Variants in PDE11A observed in about 807,000 individuals in gnomAD.
PDE11A encodes dual 3',5'-cyclic-AMP and -GMP phosphodiesterase 11A.
A neutral mutation model predicts 100.5 loss-of-function variants in PDE11A; 100 were observed. That is an observed-to-expected ratio of 1.00 (90% CI 0.85 to 1.18). The LOEUF (loss-of-function observed/expected upper bound fraction) is 1.18. PDE11A is among the 50% of genes most tolerant of loss of function. The probability of loss-of-function intolerance (pLI) is 0.00; values close to 1 mark genes in which losing one functional copy is unlikely to be tolerated. For synonymous variants in PDE11A, 381 were observed against 420.8 expected (o/e 0.91, Z 1.16); for missense variants, 1,141 against 1,152.6 (o/e 0.99, Z 0.15).
chr2:178,055,092 C>T (rs1277918258), intron 1 of PDE11A, among the ~76,000 whole-genome samples: 42 of 152,080 alleles, frequency 2.8e-4, no homozygotes, highest in Non-Finnish European at 5.9e-5. Flanking sequence ...GACTTGGAAC[C>T]AACCCAAATG....
chr2:177,786,169 C>T (rs901640774), intron 9 of PDE11A, among the ~76,000 whole-genome samples: 12 of 152,236 alleles, frequency 7.9e-5, no homozygotes, highest in Non-Finnish European at 1.2e-4. Context: ...CTCACACGGC[C>T]GGGTACTCCT....
At position 178,072,042 on chromosome 2, in the gene PDE11A, G is replaced by T. The variant is rs765438829; in HGVS notation, c.396C>A (p.His132Gln). 1 of 1,613,794 alleles carries T rather than the reference G, an allele frequency of 6.2e-7. No individual in the cohort carries two copies. Among genetic ancestry groups the T allele is most frequent in the South Asian group, 1.1e-5 (1 of 91,060 alleles). ...RKSFARSKAI[H>Q]VNRTYDEQVT... ...CCTGTTCATCGTAGGTCCTGTTCACGTGGATGGCCTTGGAGCGGGCAAAAC... is the reference window on the plus strand; with the variant it reads ...CCTGTTCATCGTAGGTCCTGTTCACTTGGATGGCCTTGGAGCGGGCAAAAC... Residue 132 changes from histidine (H) to glutamine (Q), a missense_variant, in exon 1 of 20, where the codon CAC becomes CAA. His to Gln is a conservative substitution (Grantham distance 24, BLOSUM62 0). Coordinates refer to ENST00000286063, the MANE Select transcript of PDE11A (RefSeq NM_016953.4).
intron 4 of PDE11A, among the ~76,000 whole-genome samples, chr2:177,885,878 C>A (rs2105711090): frequency 6.6e-6 from 1 of 152,254 alleles, no homozygotes; most frequent in South Asian, 2.1e-4. Flanking sequence ...TTATGCTTCA[C>A]AGTTTTGTAA....
intron 10 of PDE11A, among the ~76,000 whole-genome samples, chr2:177,768,079 C>T (rs1238726287): frequency 2.0e-5 from 3 of 152,148 alleles, no homozygotes; most frequent in African/African-American, 7.2e-5. Flanking sequence ...AATAATAGAC[C>T]CTATCCTTGG....
chr2:177,680,915 T>C lies in PDE11A; in HGVS notation c.2346-12A>G, dbSNP rs773637480. 6.8e-7 allele frequency: 1 copy of C among 1,478,174 alleles called. No homozygotes were observed. The highest frequency in any genetic ancestry group is 9.4e-7 in the Non-Finnish European group (1 of 1,060,568). 91.6% of individuals were successfully genotyped at this position (1,478,174 alleles called of 1,614,324 possible). ...ATTCAGTTCTCCTCCTGCAGGAAAA[T>C]CAAATGAAGAAAGAAAGAAAAAAAA... On this transcript the variant is annotated splice_polypyrimidine_tract_variant and intron_variant, in intron 15 of 19. Transcript: ENST00000286063.
At chr2:177,807,566 G>A (rs773531313) in intron 9 of PDE11A, among the ~76,000 whole-genome samples, 4 of 152,004 alleles carry the variant, frequency 2.6e-5, no homozygotes, top group Non-Finnish European at 5.9e-5. Flanking sequence ...GACTACAAGC[G>A]CATGCCACCA....
At chr2:177,734,611 G>A (rs2081745539) in intron 10 of PDE11A, among the ~76,000 whole-genome samples, 1 of 152,052 alleles carries the variant, frequency 6.6e-6, no homozygotes, top group Non-Finnish European at 1.5e-5. Context: ...GACAGATATG[G>A]GCTCTCATCC....
chr2:177,797,455 C>T lies in PDE11A; in HGVS notation c.1737+19374G>A, dbSNP rs543234972. Among the ~76,000 whole-genome samples the T allele has an allele frequency of 1.5e-4, 23 of 152,258 alleles. No individual in the cohort carries two copies. The South Asian group carries it at 3.5e-3, about 23-fold the overall frequency. On this transcript the variant is annotated intron_variant, in intron 9 of 19. Coordinates refer to ENST00000286063, the MANE Select transcript of PDE11A (RefSeq NM_016953.4). ...GTTTTGGTGAAGGTTCAATAAAATA[C>T]ATATGCAAAACACATAATTAATGCC...
chr2:178,001,399 G>A (rs752598257), intron 2 of PDE11A, among the ~76,000 whole-genome samples: 5 of 151,882 alleles, frequency 3.3e-5, no homozygotes, highest in Admixed American at 6.6e-5. Context: ...CACTCAAAAT[G>A]TGGCTATTAC....
At chr2:177,875,946 A>G (rs2084232788) in intron 4 of PDE11A, 23 bp from the exon 5 acceptor site, 2 of 1,432,400 alleles carry the variant, frequency 1.4e-6, no homozygotes, top group Non-Finnish European at 2.0e-6. Context: ...AAGATAATAA[A>G]TCCAGGTCAA....
At chr2:177,724,632 G>A (rs1404146659) in intron 12 of PDE11A, among the ~76,000 whole-genome samples, 1 of 152,164 alleles carries the variant, frequency 6.6e-6, no homozygotes, top group African/African-American at 2.4e-5. Flanking sequence ...TTAACAGCAC[G>A]GTATGCAAGG....
intron 2 of PDE11A, among the ~76,000 whole-genome samples, chr2:178,091,792 T>A (rs1282848556): frequency 1.3e-5 from 2 of 152,188 alleles, no homozygotes; most frequent in Non-Finnish European, 2.9e-5. Context: ...GGGGGCTCTT[T>A]CCACATTTAT....
intron 1 of PDE11A, among the ~76,000 whole-genome samples, chr2:178,059,864 T>C (rs2086945232): frequency 6.6e-6 from 1 of 152,168 alleles, no homozygotes; most frequent in Non-Finnish European, 1.5e-5. Context: ...TTAAAGGCCC[T>C]GGACTTTGAC....
chr2:177,877,438 T>G (rs1349642453), intron 4 of PDE11A, among the ~76,000 whole-genome samples: 1 of 152,144 alleles, frequency 6.6e-6, no homozygotes, highest in Non-Finnish European at 1.5e-5. Context: ...GTGCTGAGAT[T>G]ACAGGCACGA....
chr2:177,634,380 T>C (rs934365124), intron 19 of PDE11A, among the ~76,000 whole-genome samples: 2 of 98,290 alleles, frequency 2.0e-5, no homozygotes, highest in South Asian at 3.8e-4. Context: ...AACTTACTTT[T>C]TCTCTCTCTC....
chr2:177,744,585 G>A (rs1302559478), intron 10 of PDE11A, among the ~76,000 whole-genome samples: 1 of 152,110 alleles, frequency 6.6e-6, no homozygotes, highest in African/African-American at 2.4e-5. Context: ...CTCTTAATGA[G>A]GATAATTTCT....
intron 4 of PDE11A, 150 bp downstream of exon 4, chr2:177,897,908 A>C (rs2084634331): frequency 1.5e-6 from 1 of 681,206 alleles, no homozygotes; most frequent in Non-Finnish European, 2.6e-6. Context: ...ACATAAAGAA[A>C]ATAAAAAACT....
At chr2:177,713,255 C>T (rs975257639) in intron 12 of PDE11A, among the ~76,000 whole-genome samples, 1 of 152,194 alleles carries the variant, frequency 6.6e-6, no homozygotes, top group Non-Finnish European at 1.5e-5. Flanking sequence ...GTGATCCACC[C>T]ATCTCGGCCT....
chr2:178,060,795 C>T (rs919216372), intron 1 of PDE11A, among the ~76,000 whole-genome samples: 4 of 151,690 alleles, frequency 2.6e-5, no homozygotes, highest in African/African-American at 7.3e-5. Context: ...TCATCCAACC[C>T]TCTAGTTGGA....
Sources: gnomAD v4.1 joint callset for allele counts (sites outside exome capture counted in the v4.1 genomes callset) on GRCh38, gnomAD v4.1.1 for gene constraint, MANE v1.5 for transcripts, NCBI Gene and HGNC (gene_info 2026-07-23, HGNC 2026-07-21) for gene names.